TIA1: variants seen among roughly 807,000 people sequenced by gnomAD.
The protein encoded by TIA1 is TIA1 cytotoxic granule associated RNA binding protein.
A neutral mutation model predicts 65.9 loss-of-function variants in TIA1; 23 were observed. The ratio of observed to expected loss-of-function variants is 0.35; its 90% CI spans 0.25 to 0.49. The LOEUF is 0.49. TIA1 is among the 20% of genes least tolerant of loss of function. The pLI, the probability that TIA1 is intolerant of heterozygous loss-of-function variation, is 0.98. For missense variants in TIA1, 371 were observed against 477.9 expected (o/e 0.78, Z 2.09); for synonymous variants, 147 against 149.4 (o/e 0.98, Z 0.12).
At chr2:70,224,387 G>A (rs1013518553) in intron 7 of TIA1, 167 bp downstream of exon 7, 28 of 889,698 alleles carry the variant, frequency 3.1e-5, no homozygotes, top group Non-Finnish European at 4.5e-5. Flanking sequence ...GCATGCCTCA[G>A]GTGCCAATAA....
intron 11 of TIA1, 140 bp downstream of exon 11, chr2:70,215,231 G>T: frequency 9.5e-7 from 1 of 1,056,360 alleles, no homozygotes; most frequent in Non-Finnish European, 1.4e-6. Context: ...CACCATTCTG[G>T]AACTATAATA....
intron 1 of TIA1, among the ~76,000 whole-genome samples, chr2:70,237,624 G>A (rs1255608771): frequency 6.6e-6 from 1 of 152,150 alleles, no homozygotes; most frequent in African/African-American, 2.4e-5. Flanking sequence ...CAGCACTTTG[G>A]GAGGCTGAGG....
intron 1 of TIA1, among the ~76,000 whole-genome samples, chr2:70,245,672 T>G (rs980156651): frequency 6.6e-6 from 1 of 152,232 alleles, no homozygotes; most frequent in Non-Finnish European, 1.5e-5. Flanking sequence ...TGAATACTCC[T>G]CAAAATAATC....
rs1676402592 is a variant in TIA1, at chr2:70,211,199, AAAGTGAAACTTCCCACAC to A, written c.*1502_*1519del. 1 of 152,180 alleles carries A rather than the reference AAAGTGAAACTTCCCACAC, an allele frequency of 6.6e-6. No individual in the cohort carries two copies. The highest frequency in any genetic ancestry group is 1.5e-5 in the Non-Finnish European group (1 of 68,050). The allele number at this position is 152,180 out of a possible 1,614,324, so 9.4% of individuals were successfully genotyped here. A position where few individuals can be genotyped will look rare whatever the true frequency, so the allele number is the denominator to read the frequency against. ...GAGGTTTGTGATCTTCACTGAAAAC[AAAGTGAAACTTCCCACAC>A]AAGTCTTCTAAGAGACTCTGAAATA... On this transcript the variant is annotated 3_prime_UTR_variant, in exon 13 of 13. Coordinates refer to ENST00000433529, the MANE Select transcript of TIA1 (RefSeq NM_022173.4).
chr2:70,233,673 G>C, intron 2 of TIA1, among the ~76,000 whole-genome samples: 1 of 151,980 alleles, frequency 6.6e-6, no homozygotes, highest in Non-Finnish European at 1.5e-5. Context: ...GGCTGAGGCA[G>C]GAGAATAGCT....
rs764654883 is a variant in TIA1 at position 70,229,041 on chromosome 2, T to TG, written c.310+17_310+18insC. The TG allele has an allele frequency of 1.1e-5, 17 of 1,598,058 alleles. No homozygotes were observed. The highest frequency in any genetic ancestry group is 1.4e-5 in the Non-Finnish European group (17 of 1,173,988). ...CCTTTCAAGAGATTTCATTTTATGT[T>TG]TAAGAAGATACAATTACCTTGTGAA... On this transcript the variant is annotated intron_variant, in intron 5 of 12. Transcript: ENST00000433529.
chr2:70,218,261 C>T (rs768191282), intron 7 of TIA1, among the ~76,000 whole-genome samples: 12 of 152,160 alleles, frequency 7.9e-5, no homozygotes, highest in Non-Finnish European at 1.5e-4. Context: ...GGAAGAAAGC[C>T]CCAGTAGAGA....
rs112420640 is a variant in TIA1, at chr2:70,236,219, A to G, written c.27-44T>C. On this transcript the variant is annotated intron_variant, in intron 1 of 12. Coordinates refer to ENST00000433529, the MANE Select transcript of TIA1 (RefSeq NM_022173.4). ...CAATTTACCTTTTTTTTTTTTTGAG[A>G]CAGAGTTTCACTCTTGTTGCCCAGG... 9.5e-4 allele frequency: 1,175 copies of G among 1,236,856 alleles called. 8 individuals carry two copies. In the African/African-American group the frequency reaches 0.016, roughly 17 times the overall value. The allele number at this position is 1,236,856 out of a possible 1,614,324, so 76.6% of individuals were successfully genotyped here.
intron 11 of TIA1, 117 bp downstream of exon 11, chr2:70,215,254 G>A: frequency 7.8e-7 from 1 of 1,290,226 alleles, no homozygotes; most frequent in Non-Finnish European, 1.1e-6. Flanking sequence ...TGTAGGAAGA[G>A]CCCTTATATA....
In TIA1 at chr2:70,215,391, T is replaced by C; in HGVS notation, c.868A>G (p.Met290Val). 1 of 1,614,114 alleles carries C rather than the reference T, an allele frequency of 6.2e-7. No individual in the cohort carries two copies. Among genetic ancestry groups the C allele is most frequent in the Non-Finnish European group, 8.5e-7 (1 of 1,180,000 alleles). ...KCYWGKETLD[M>V]INPVQQQNQI... ...CTCACCTGTTGCACGGGATTTATCA[T>C]ATCAAGAGTTTCTTTGCCCCAATAG... Residue 290 changes from methionine to valine, a missense_variant, in exon 11 of 13, where the codon ATG becomes GTG. Coordinates refer to ENST00000433529, the MANE Select transcript of TIA1 (RefSeq NM_022173.4).
intron 1 of TIA1, among the ~76,000 whole-genome samples, chr2:70,237,733 G>A (rs945025934): frequency 2.6e-5 from 4 of 151,778 alleles, no homozygotes; most frequent in Non-Finnish European, 5.9e-5. Context: ...GCGTGGTGGC[G>A]CCTGCCTGTA....
intron 12 of TIA1, 35 bp from the exon 13 acceptor site, chr2:70,212,880 G>A (rs752073368): frequency 5.1e-6 from 7 of 1,375,610 alleles, no homozygotes; most frequent in Non-Finnish European, 6.2e-6. Context: ...GAGGGGAGAG[G>A]AAATCCACTG....
chr2:70,243,376 G>A (rs1389939153), intron 1 of TIA1, among the ~76,000 whole-genome samples: 4 of 152,260 alleles, frequency 2.6e-5, no homozygotes, highest in African/African-American at 9.6e-5. Flanking sequence ...ACAGTGAGCT[G>A]TGATCACACC....
chr2:70,233,349 T>C (rs1396138178), intron 2 of TIA1, among the ~76,000 whole-genome samples: 1 of 152,194 alleles, frequency 6.6e-6, no homozygotes, highest in Non-Finnish European at 1.5e-5. Flanking sequence ...GTTTAATATA[T>C]TGGGACTATA....
At chr2:70,239,383 C>T (rs982602497) in intron 1 of TIA1, among the ~76,000 whole-genome samples, 3 of 152,102 alleles carry the variant, frequency 2.0e-5, no homozygotes, top group Non-Finnish European at 4.4e-5. Flanking sequence ...TGAGCCACTG[C>T]GCCCGGCCAA....
intron 1 of TIA1, among the ~76,000 whole-genome samples, chr2:70,244,120 C>A (rs1479094809): frequency 1.3e-5 from 2 of 152,212 alleles, no homozygotes; most frequent in African/African-American, 4.8e-5. Flanking sequence ...TCAGGCTAAC[C>A]AACCAGCATG....
At chr2:70,245,303 A>C (rs552556304) in intron 1 of TIA1, among the ~76,000 whole-genome samples, 1 of 152,308 alleles carries the variant, frequency 6.6e-6, no homozygotes, top group Non-Finnish European at 1.5e-5. Context: ...AGGCTTTTAA[A>C]GATGGTCTAT....
At chr2:70,248,347 A>C in intron 1 of TIA1, 58 bp downstream of exon 1, 1 of 1,574,510 alleles carries the variant, frequency 6.4e-7, no homozygotes, top group South Asian at 1.1e-5. Flanking sequence ...CGCAGGGCCG[A>C]GGCCTTCCCT....
intron 3 of TIA1, 78 bp from the exon 4 acceptor site, chr2:70,229,396 G>A: frequency 8.2e-7 from 1 of 1,219,908 alleles, no homozygotes. Flanking sequence ...AAACACATAG[G>A]AAGATATCTG....
Sources: gnomAD v4.1 joint callset for allele counts (sites outside exome capture counted in the v4.1 genomes callset) on GRCh38, gnomAD v4.1.1 for gene constraint, MANE v1.5 for transcripts, NCBI Gene and HGNC (gene_info 2026-07-23, HGNC 2026-07-21) for gene names.